Variants in RXRA observed in about 807,000 individuals in gnomAD.
RXRA encodes the protein retinoic acid receptor RXR-alpha.
A neutral mutation model predicts 44.5 loss-of-function variants in RXRA; 5 were observed. That is an observed-to-expected ratio of 0.11 (90% CI 0.06 to 0.24). The LOEUF (loss-of-function observed/expected upper bound fraction) is 0.24, where lower values mean the gene tolerates loss of function less well. RXRA is among the 10% of genes least tolerant of loss of function. The pLI is 1.00. For synonymous variants in RXRA, 291 were observed against 271.4 expected, an observed-to-expected ratio of 1.07 and a Z score of -0.71; for missense variants, 412 against 646.5, an observed-to-expected ratio of 0.64 and a Z score of 3.93.
intron 1 of RXRA, among the ~76,000 whole-genome samples, chr9:134,327,192 C>T (rs1255836265): frequency 6.6e-6 from 1 of 152,110 alleles, no homozygotes; most frequent in Non-Finnish European, 1.5e-5. Context: ...AGCCCACGCC[C>T]GGGTGGGCAG....
intron 1 of RXRA, among the ~76,000 whole-genome samples, chr9:134,367,490 G>A (rs372987431): frequency 2.0e-5 from 3 of 152,246 alleles, no homozygotes; most frequent in Admixed American, 6.5e-5. Context: ...TGCCCTTACC[G>A]TGGAGATCCC....
At chr9:134,424,115 G>A (rs80213380) in intron 6 of RXRA, 224 of 980,972 alleles carry the variant, frequency 2.3e-4, no homozygotes, top group African/African-American at 1.7e-3. Context: ...GAGGGCCTGC[G>A]TGGGGTGGTC....
chr9:134,393,293 G>A (rs961436833), intron 1 of RXRA, among the ~76,000 whole-genome samples: 2 of 152,248 alleles, frequency 1.3e-5, no homozygotes, highest in Admixed American at 1.3e-4. Context: ...AGGACCAGGG[G>A]TCTGTCAAGA....
intron 1 of RXRA, among the ~76,000 whole-genome samples, chr9:134,336,297 C>A (rs531001515): frequency 1.2e-4 from 18 of 152,212 alleles, no homozygotes; most frequent in Admixed American, 3.3e-4. Flanking sequence ...TCCTGTGTGA[C>A]CCACCTTCTC....
intron 1 of RXRA, among the ~76,000 whole-genome samples, chr9:134,352,576 C>T (rs1457846448): frequency 6.6e-6 from 1 of 152,198 alleles, no homozygotes; most frequent in Non-Finnish European, 1.5e-5. Context: ...CACCCAGCCT[C>T]CTGCTGGCCC....
chr9:134,330,130 G>T (rs1554746477), intron 1 of RXRA, among the ~76,000 whole-genome samples: 1 of 152,230 alleles, frequency 6.6e-6, no homozygotes, highest in African/African-American at 2.4e-5. Context: ...GGTGAGCAAT[G>T]CCTGTCCTCT....
At position 134,436,840 on chromosome 9, in the gene RXRA, G is replaced by T. The variant is rs1831631131; in HGVS notation, c.*226G>T. On this transcript the variant is annotated 3_prime_UTR_variant, in exon 10 of 10. Coordinates refer to ENST00000481739, the MANE Select transcript of RXRA (RefSeq NM_002957.6). Reference sequence around the variant, plus strand: ...TGGCTTTCCTGAGGCAGCAGCCTTCGTGGCAAGAACTAGCGTGAGCCCAGC... The same window carrying T: ...TGGCTTTCCTGAGGCAGCAGCCTTCTTGGCAAGAACTAGCGTGAGCCCAGC... The T allele has an allele frequency of 1.8e-6, 1 of 568,090 alleles. No homozygotes were observed. The allele number at this position is 568,090 out of a possible 1,614,324, so 35.2% of individuals were successfully genotyped here.
intron 1 of RXRA, among the ~76,000 whole-genome samples, chr9:134,356,464 C>T (rs1040367425): frequency 1.3e-5 from 2 of 152,066 alleles, no homozygotes; most frequent in African/African-American, 4.8e-5. Flanking sequence ...GCTGCCTGTG[C>T]TCCTGCAATG....
chr9:134,381,993 C>T (rs1830653722), intron 1 of RXRA, among the ~76,000 whole-genome samples: 1 of 152,162 alleles, frequency 6.6e-6, no homozygotes, highest in African/African-American at 2.4e-5. Flanking sequence ...TGTGCCCTCC[C>T]CACGTCTCCT....
At chr9:134,326,928 C>T (rs1389218339) in intron 1 of RXRA, among the ~76,000 whole-genome samples, 2 of 150,184 alleles carry the variant, frequency 1.3e-5, no homozygotes. Context: ...GAGGAGGGGT[C>T]TCCCGCTCAC....
At chr9:134,395,820 T>C (rs1022895395) in intron 1 of RXRA, among the ~76,000 whole-genome samples, 2 of 152,218 alleles carry the variant, frequency 1.3e-5, no homozygotes, top group African/African-American at 4.8e-5. Flanking sequence ...TGTCCTCAGA[T>C]GGGGCTGAGA....
chr9:134,347,459 G>T (rs1053834322), intron 1 of RXRA, among the ~76,000 whole-genome samples: 1 of 152,316 alleles, frequency 6.6e-6, no homozygotes, highest in East Asian at 1.9e-4. Context: ...CCTGATGGGG[G>T]CCGCAGTGTC....
chr9:134,429,173 C>T lies in RXRA; in HGVS notation c.976C>T (p.Leu326=), dbSNP rs754325014. 9.3e-6 allele frequency: 15 copies of T among 1,613,004 alleles called. 1 individual carries two copies. The South Asian group carries it at 1.6e-4, about 18-fold the overall frequency. Residue 326 remains leucine (L), a synonymous_variant, in exon 7 of 10, where the codon CTG becomes TTG. Coordinates refer to ENST00000481739, the MANE Select transcript of RXRA (RefSeq NM_002957.6). The part of the protein sequence containing the change: ...RSIAVKDGIL[L]ATGLHVHRNS... ...CATCGCCGTGAAGGACGGGATCCTC[C>T]TGGCCACCGGGCTGCACGTCCACCG...
intron 1 of RXRA, among the ~76,000 whole-genome samples, chr9:134,369,921 T>C (rs958941428): frequency 6.6e-6 from 1 of 152,160 alleles, no homozygotes; most frequent in Admixed American, 6.5e-5. Context: ...GTGTACTGTG[T>C]TTGCACACGT....
intron 1 of RXRA, among the ~76,000 whole-genome samples, chr9:134,392,740 C>G (rs752003145): frequency 4.6e-5 from 7 of 152,170 alleles, no homozygotes; most frequent in Non-Finnish European, 1.0e-4. Context: ...AAAGGGCCAG[C>G]CTCAGATTTG....
intron 1 of RXRA, among the ~76,000 whole-genome samples, chr9:134,359,760 G>A (rs370586693): frequency 2.0e-5 from 3 of 150,182 alleles, no homozygotes; most frequent in Admixed American, 1.3e-4. Flanking sequence ...ACGCAGCCCC[G>A]CCCCTCCCAG....
At chr9:134,402,457 T>C (rs1830980123) in intron 2 of RXRA, 1 of 153,132 alleles carries the variant, frequency 6.5e-6, no homozygotes, top group Admixed American at 6.5e-5. Context: ...GTGGGGACCT[T>C]TTCCACAGTT....
Position 134,394,096 on chromosome 9 carries a change from G to T in RXRA, c.29-7536G>T, listed in dbSNP as rs377184579. ...AGGGCAAGGGGTTGCTCAGCTGGTAGTGATGGTGACGGTGGTGGTGGTGGT... is the reference window on the plus strand; with the variant it reads ...AGGGCAAGGGGTTGCTCAGCTGGTATTGATGGTGACGGTGGTGGTGGTGGT... On this transcript the variant is annotated intron_variant, in intron 1 of 9. Coordinates refer to ENST00000481739, the MANE Select transcript of RXRA (RefSeq NM_002957.6). Among the ~76,000 whole-genome samples the T allele has an allele frequency of 5.9e-4, 3 of 5,096 alleles. No homozygotes were observed. In the East Asian group the frequency reaches 0.023, roughly 40 times the overall value. The allele number at this position is 5,096 out of a possible 152,430, so 3.3% of individuals were successfully genotyped here.
chr9:134,390,151 C>G (rs1378297672), intron 1 of RXRA, among the ~76,000 whole-genome samples: 2 of 152,168 alleles, frequency 1.3e-5, no homozygotes, highest in African/African-American at 4.8e-5. Context: ...GGGTCGGCAT[C>G]TCCTTGGTGC....
Sources: gnomAD v4.1 joint callset for allele counts (sites outside exome capture counted in the v4.1 genomes callset) on GRCh38, gnomAD v4.1.1 for gene constraint, MANE v1.5 for transcripts, NCBI Gene and HGNC (gene_info 2026-07-23, HGNC 2026-07-21) for gene names.